The following SPSB4 variants were observed in gnomAD, a reference collection of about 807,000 sequenced individuals.
The protein encoded by SPSB4 is splA/ryanodine receptor domain and SOCS box containing 4.
Under a neutral mutation model 20.9 loss-of-function variants are expected in SPSB4, and 21 were observed. The observed-to-expected ratio is 1.01, with a 90% confidence interval of 0.71 to 1.45. The LOEUF is 1.45. Among genes scored for constraint, SPSB4 ranks in the 40% most tolerant of loss-of-function variants. The pLI, the probability that SPSB4 is intolerant of heterozygous loss-of-function variation, is 0.00. For synonymous variants in SPSB4, 207 were observed against 183.8 expected, an observed-to-expected ratio of 1.13 and a Z score of -1.02; for missense variants, 399 against 399.2, an observed-to-expected ratio of 1.00 and a Z score of 0.00.
At position 141,147,459 on chromosome 3, in the gene SPSB4, C is replaced by A; in HGVS notation, c.*190C>A. The A allele has an allele frequency of 1.1e-6, 1 of 941,884 alleles. No individual in the cohort carries two copies. Among genetic ancestry groups the A allele is most frequent in the Non-Finnish European group, 1.5e-6 (1 of 653,624 alleles). The allele number at this position is 941,884 out of a possible 1,614,324, so 58.3% of individuals were successfully genotyped here. ...AAAGGTCTCTTGCCAACAGTATCTA[C>A]TGCCCTCGAGGCAGCCCTCCCAAGT... On this transcript the variant is annotated 3_prime_UTR_variant, in exon 3 of 3. Coordinates refer to ENST00000310546, the MANE Select transcript of SPSB4 (RefSeq NM_080862.3).
chr3:141,113,021 G>A (rs1331959533), intron 2 of SPSB4, among the ~76,000 whole-genome samples: 1 of 152,120 alleles, frequency 6.6e-6, no homozygotes, highest in Non-Finnish European at 1.5e-5. Flanking sequence ...CATCTTCTTT[G>A]TATCTCATGC....
intron 2 of SPSB4, among the ~76,000 whole-genome samples, chr3:141,079,453 G>A (rs6439978): frequency 0.13 from 19,287 of 152,096 alleles, 3,740 homozygotes; most frequent in African/African-American, 0.42. Context: ...CACCCTGCCC[G>A]TAGCTACTTA....
Position 141,136,408 on chromosome 3 carries a change from C to T in SPSB4, c.695-10734C>T, listed in dbSNP as rs556375515. 3.4e-3 allele frequency among the ~76,000 whole-genome samples: 517 copies of T among 152,180 alleles called. 4 individuals are homozygous for T. Among genetic ancestry groups the T allele is most frequent in the African/African-American group, 9.8e-3 (407 of 41,508 alleles). The stretch of plus-strand genomic sequence containing the variant: ...CTTTTGGTGTTTTAGACATGAAGTC[C>T]TTGCCCATGCCTATGTCCTGAATGG... On this transcript the variant is annotated intron_variant, in intron 2 of 2. Coordinates refer to ENST00000310546, the MANE Select transcript of SPSB4 (RefSeq NM_080862.3).
chr3:141,129,309 G>A (rs1939098678), intron 2 of SPSB4, among the ~76,000 whole-genome samples: 1 of 152,224 alleles, frequency 6.6e-6, no homozygotes, highest in African/African-American at 2.4e-5. Context: ...AGCTGGATCA[G>A]GCTCTGCAGC....
chr3:141,115,506 ACTATT>A (rs1938868240), intron 2 of SPSB4, among the ~76,000 whole-genome samples: 1 of 152,158 alleles, frequency 6.6e-6, no homozygotes. Context: ...CCTGCTCCCC[ACTATT>A]CAGTTAGGTT....
At chr3:141,124,009 G>A (rs1032207756) in intron 2 of SPSB4, 2 of 152,274 alleles carry the variant, frequency 1.3e-5, no homozygotes, top group Admixed American at 1.3e-4. Flanking sequence ...CTGTCTGCCT[G>A]CAGGACCTTG....
At chr3:141,057,109 C>T (rs1937664234) in intron 1 of SPSB4, among the ~76,000 whole-genome samples, 1 of 152,222 alleles carries the variant, frequency 6.6e-6, no homozygotes, top group Admixed American at 6.5e-5. Context: ...TGGAACTGGA[C>T]AGATGGCTCT....
At chr3:141,056,647 TATC>T (rs540617619) in intron 1 of SPSB4, among the ~76,000 whole-genome samples, 19 of 152,224 alleles carry the variant, frequency 1.2e-4, no homozygotes, top group Non-Finnish European at 2.1e-4. Flanking sequence ...ACGCAAACCT[TATC>T]ATGTTTTCAT....
chr3:141,132,094 G>T, intron 2 of SPSB4: 1 of 241,956 alleles, frequency 4.1e-6, no homozygotes, highest in Non-Finnish European at 8.4e-6. Flanking sequence ...AAATTTTGAT[G>T]CACTACTCAA....
intron 2 of SPSB4, among the ~76,000 whole-genome samples, chr3:141,107,589 G>T (rs1938718560): frequency 6.6e-6 from 1 of 152,194 alleles, no homozygotes; most frequent in South Asian, 2.1e-4. Context: ...AGTCTGTCTT[G>T]CATGTGAATA....
chr3:141,060,590 G>A (rs1459397980), intron 1 of SPSB4, among the ~76,000 whole-genome samples: 1 of 152,218 alleles, frequency 6.6e-6, no homozygotes, highest in Non-Finnish European at 1.5e-5. Context: ...TGCATGTGCT[G>A]TGTACATAGG....
At chr3:141,078,762 G>A (rs562035822) in intron 2 of SPSB4, among the ~76,000 whole-genome samples, 1 of 152,184 alleles carries the variant, frequency 6.6e-6, no homozygotes, top group African/African-American at 2.4e-5. Context: ...CAGGCCCTCC[G>A]CTGCAGTTCC....
At chr3:141,127,186 G>A (rs762682069) in intron 2 of SPSB4, among the ~76,000 whole-genome samples, 2 of 152,238 alleles carry the variant, frequency 1.3e-5, no homozygotes, top group Non-Finnish European at 2.9e-5. Context: ...AGGGCTGGGG[G>A]GTGCAGCAGC....
At chr3:141,090,697 T>G (rs1002352672) in intron 2 of SPSB4, among the ~76,000 whole-genome samples, 1 of 152,166 alleles carries the variant, frequency 6.6e-6, no homozygotes, top group African/African-American at 2.4e-5. Flanking sequence ...GATGTTTGGC[T>G]TTTTCTCTGA....
Position 141,065,985 on chromosome 3 carries a change from T to G in SPSB4, c.-120T>G. On this transcript the variant is annotated 5_prime_UTR_variant, in exon 2 of 3. Transcript: ENST00000310546. ...GCCCCTGCCGCAGCCCGGTAGAGGCTGTGGAGGTCTACCGTCCGGAAGCCT... is the reference window on the plus strand; with the variant it reads ...GCCCCTGCCGCAGCCCGGTAGAGGCGGTGGAGGTCTACCGTCCGGAAGCCT... 1 of 900,226 alleles carries G rather than the reference T, an allele frequency of 1.1e-6. No individual in the cohort carries two copies. The highest frequency in any genetic ancestry group is 1.9e-5 in the South Asian group (1 of 52,912). 55.8% of individuals were successfully genotyped at this position (900,226 alleles called of 1,614,324 possible). A position where few individuals can be genotyped will look rare whatever the true frequency, so the allele number is the denominator to read the frequency against.
intron 2 of SPSB4, among the ~76,000 whole-genome samples, chr3:141,101,749 C>T (rs1399757321): frequency 1.3e-5 from 2 of 152,190 alleles, no homozygotes; most frequent in Admixed American, 6.5e-5. Flanking sequence ...TTTACCTTCC[C>T]TTAAGCTAAA....
intron 2 of SPSB4, among the ~76,000 whole-genome samples, chr3:141,079,663 C>T (rs950655230): frequency 6.6e-6 from 1 of 152,202 alleles, no homozygotes; most frequent in East Asian, 1.9e-4. Flanking sequence ...CCAGTTTCCA[C>T]TCTCATGGAG....
rs1190094014 is a variant in SPSB4 at position 141,051,685 on chromosome 3, G to A, written c.-461G>A. The A allele has an allele frequency of 6.6e-6, 1 of 152,104 alleles. No individual in the cohort carries two copies. Among genetic ancestry groups the A allele is most frequent in the Non-Finnish European group, 1.5e-5 (1 of 68,000 alleles). 9.4% of individuals were successfully genotyped at this position (152,104 alleles called of 1,614,324 possible). On this transcript the variant is annotated 5_prime_UTR_variant, in exon 1 of 3. Coordinates refer to ENST00000310546, the MANE Select transcript of SPSB4 (RefSeq NM_080862.3). ...CAAGCTTCCAAGCGGCTAGAGCGCG[G>A]GCCTTGGAGCGCCCCCAGGATCGCT... is the stretch of plus-strand genomic sequence containing the variant.
rs760295952 is a variant in SPSB4, at chr3:141,066,269, G to A, written c.165G>A (p.Ala55=). The change falls in exon 2 of 3, where the codon GCG becomes GCA. Residue 55 remains alanine (A), a synonymous_variant. Coordinates refer to ENST00000310546, the MANE Select transcript of SPSB4 (RefSeq NM_080862.3). ...AAGLAVQLRH[A]WNPEDRSLNV... is the part of the protein sequence containing the mutation. ...GGCTGGCTGTGCAGCTGCGGCACGC[G>A]TGGAACCCCGAGGACCGCTCGCTCA... 18 of 1,556,748 alleles carry A rather than the reference G, an allele frequency of 1.2e-5. 1 individual carries two copies. Among genetic ancestry groups the A allele is most frequent in the South Asian group, 8.3e-5 (7 of 84,218 alleles).
Sources: gnomAD v4.1 joint callset for allele counts (sites outside exome capture counted in the v4.1 genomes callset) on GRCh38, gnomAD v4.1.1 for gene constraint, MANE v1.5 for transcripts, NCBI Gene and HGNC (gene_info 2026-07-23, HGNC 2026-07-21) for gene names.